The following PDLIM5 variants were observed in gnomAD, a reference collection of about 807,000 sequenced individuals.
The protein encoded by PDLIM5 is PDZ and LIM domain 5, also known as PDZ and LIM domain protein 5.
A neutral mutation model predicts 64.2 loss-of-function variants in PDLIM5; 34 were observed. The observed-to-expected ratio is 0.53, with a 90% CI of 0.40 to 0.71. The LOEUF is 0.71. Among genes scored for constraint, PDLIM5 ranks in the 30% least tolerant of loss-of-function variants. The probability of loss-of-function intolerance (pLI) is 0.00; values close to 1 mark genes in which losing one functional copy is unlikely to be tolerated. For synonymous variants in PDLIM5, 253 were observed against 269.1 expected, an observed-to-expected ratio of 0.94 and a Z score of 0.59; for missense variants, 683 against 733.6, an observed-to-expected ratio of 0.93 and a Z score of 0.80.
intron 8 of PDLIM5, among the ~76,000 whole-genome samples, chr4:94,637,854 T>TA (rs1193595200): frequency 6.6e-6 from 1 of 152,156 alleles, no homozygotes; most frequent in African/African-American, 2.4e-5. Context: ...AGAGAGTGGT[T>TA]AGGAGACTTG....
chr4:94,648,434 C>A (rs186495880), intron 9 of PDLIM5, among the ~76,000 whole-genome samples: 24 of 152,294 alleles, frequency 1.6e-4, no homozygotes, highest in Non-Finnish European at 2.5e-4. Context: ...ATTCTCCTGC[C>A]TTGGCCTCCT....
chr4:94,458,348 A>T (rs1404280644), intron 2 of PDLIM5, among the ~76,000 whole-genome samples: 1 of 152,120 alleles, frequency 6.6e-6, no homozygotes, highest in Non-Finnish European at 1.5e-5. Flanking sequence ...ATGCACATGA[A>T]ATTCTTAGCA....
At chr4:94,661,970 G>A (rs1040884071) in intron 11 of PDLIM5, among the ~76,000 whole-genome samples, 3 of 151,950 alleles carry the variant, frequency 2.0e-5, no homozygotes, top group African/African-American at 2.4e-5. Flanking sequence ...ACAGGCATGC[G>A]CCACCACGCC....
chr4:94,462,176 G>A (rs547899478), intron 2 of PDLIM5, among the ~76,000 whole-genome samples: 2 of 152,002 alleles, frequency 1.3e-5, no homozygotes, highest in African/African-American at 4.8e-5. Flanking sequence ...TTTTCTTTAG[G>A]TAAGACATTC....
intron 3 of PDLIM5, among the ~76,000 whole-genome samples, chr4:94,544,810 C>T (rs138773045): frequency 6.6e-6 from 1 of 152,316 alleles, no homozygotes; most frequent in Non-Finnish European, 1.5e-5. Context: ...CATGTACCAC[C>T]ATGCCCGGCT....
chr4:94,506,279 G>A (rs1025266574), intron 2 of PDLIM5, among the ~76,000 whole-genome samples: 2 of 152,262 alleles, frequency 1.3e-5, no homozygotes, highest in African/African-American at 4.8e-5. Flanking sequence ...TGTTCTGATG[G>A]TGATTGTTTC....
chr4:94,502,833 T>C (rs1728051306), intron 2 of PDLIM5, among the ~76,000 whole-genome samples: 2 of 152,040 alleles, frequency 1.3e-5, no homozygotes, highest in Admixed American at 6.6e-5. Flanking sequence ...GTCAAGATCA[T>C]GCCACTGCAC....
chr4:94,528,568 C>T (rs1730580798), intron 3 of PDLIM5, among the ~76,000 whole-genome samples: 1 of 151,986 alleles, frequency 6.6e-6, no homozygotes, highest in Non-Finnish European at 1.5e-5. Flanking sequence ...TTGATAGGCA[C>T]CAGTATTATT....
At chr4:94,551,841 T>G (rs1297245701) in intron 3 of PDLIM5, among the ~76,000 whole-genome samples, 1 of 152,168 alleles carries the variant, frequency 6.6e-6, no homozygotes, top group East Asian at 1.9e-4. Context: ...CCTGTGTAGT[T>G]GAGCGTAAAT....
chr4:94,480,432 A>G lies in PDLIM5; in HGVS notation c.96+25048A>G, dbSNP rs531404042. Among the ~76,000 whole-genome samples, 5 of 152,340 alleles carry G rather than the reference A, an allele frequency of 3.3e-5. No individual in the cohort carries two copies. In the East Asian group the frequency reaches 7.7e-4, roughly 24 times the overall value. On this transcript the variant is annotated intron_variant, in intron 2 of 12. Coordinates refer to ENST00000317968, the MANE Select transcript of PDLIM5 (RefSeq NM_006457.5). ...GAGAAATCAAACAGGATCTATGGGT[A>G]TATGGTGGGGCAATCTAGAGATGAG... is the stretch of plus-strand genomic sequence containing the variant.
chr4:94,540,108 T>C (rs947275571), intron 3 of PDLIM5, among the ~76,000 whole-genome samples: 1 of 151,644 alleles, frequency 6.6e-6, no homozygotes, highest in Non-Finnish European at 1.5e-5. Context: ...AAGAACTCTG[T>C]GAGGCATAGA....
chr4:94,659,486 A>C (rs6532499), intron 11 of PDLIM5, among the ~76,000 whole-genome samples: 1 of 113,322 alleles, frequency 8.8e-6, no homozygotes, highest in East Asian at 2.6e-4. Context: ...TGTAGTATAT[A>C]TGTGTGTATG....
chr4:94,628,911 T>C (rs3925567), intron 8 of PDLIM5, among the ~76,000 whole-genome samples: 5,727 of 152,312 alleles, frequency 0.038, 129 homozygotes, highest in South Asian at 0.069. Context: ...CTCAGTTTTG[T>C]TTTGTTTTTT....
At chr4:94,464,146 T>C (rs1295019279) in intron 2 of PDLIM5, among the ~76,000 whole-genome samples, 1 of 152,206 alleles carries the variant, frequency 6.6e-6, no homozygotes, top group Non-Finnish European at 1.5e-5. Context: ...GAGAAGAGTT[T>C]TGAATTAGAG....
chr4:94,499,990 C>T (rs1159765831), intron 2 of PDLIM5, among the ~76,000 whole-genome samples: 2 of 152,170 alleles, frequency 1.3e-5, no homozygotes, highest in African/African-American at 4.8e-5. Flanking sequence ...TGAAACCAGT[C>T]CCTGGTGTCA....
At chr4:94,570,927 A>G (rs1489799446) in intron 3 of PDLIM5, among the ~76,000 whole-genome samples, 1 of 152,158 alleles carries the variant, frequency 6.6e-6, no homozygotes, top group Non-Finnish European at 1.5e-5. Flanking sequence ...CATAATGAGT[A>G]ATGTGCATAA....
intron 2 of PDLIM5, among the ~76,000 whole-genome samples, chr4:94,501,476 C>T (rs1727914759): frequency 6.6e-6 from 1 of 152,094 alleles, no homozygotes; most frequent in African/African-American, 2.4e-5. Context: ...CAGTTTATGA[C>T]AACATAAGTT....
chr4:94,652,912 C>T (rs1741950993), intron 9 of PDLIM5, among the ~76,000 whole-genome samples: 1 of 152,114 alleles, frequency 6.6e-6, no homozygotes. Context: ...TTTTGTGACT[C>T]TTGCAGAATT....
chr4:94,587,910 T>G, intron 7 of PDLIM5: 1 of 934,254 alleles, frequency 1.1e-6, no homozygotes, highest in South Asian at 4.9e-5. Context: ...TATGAATGAT[T>G]GTGAGACATC....
Sources: allele counts gnomAD v4.1 joint callset (sites outside exome capture counted in the v4.1 genomes callset), GRCh38; gene constraint gnomAD v4.1.1; transcripts MANE v1.5; gene names NCBI Gene and HGNC (gene_info 2026-07-23, HGNC 2026-07-21).